Variants in SASH1 observed in about 807,000 individuals in gnomAD.
SASH1 encodes SAM and SH3 domain containing 1, also known as SAM and SH3 domain-containing protein 1.
A neutral mutation model predicts 125.2 loss-of-function variants in SASH1; 44 were observed. The ratio of observed to expected loss-of-function variants is 0.35; its 90% CI spans 0.28 to 0.45. The LOEUF (loss-of-function observed/expected upper bound fraction) is 0.45, where lower values mean the gene tolerates loss of function less well. Among genes scored for constraint, SASH1 ranks in the 20% least tolerant of loss-of-function variants. The pLI is 1.00. For missense variants in SASH1, 1,426 were observed against 1,614.5 expected (o/e 0.88, Z 2.00); for synonymous variants, 639 against 649.1 (o/e 0.98, Z 0.24).
chr6:148,234,949 G>A, the SASH1 span, among the ~76,000 whole-genome samples: 34 of 152,130 alleles, frequency 2.2e-4, no homozygotes, highest in Non-Finnish European at 7.4e-5. Flanking sequence ...AAATGTACCC[G>A]TAATGGGTCT....
intron 8 of SASH1, among the ~76,000 whole-genome samples, chr6:148,507,024 C>T (rs76616449): frequency 0.015 from 2,343 of 152,162 alleles, 66 homozygotes; most frequent in African/African-American, 0.054. Context: ...GCACCTGGTC[C>T]GTCAGATGGT....
chr6:148,537,302 A>G (rs111328636), intron 16 of SASH1, among the ~76,000 whole-genome samples: 277 of 152,306 alleles, frequency 1.8e-3, no homozygotes, highest in Non-Finnish European at 3.2e-3. Context: ...GCCAGCCATC[A>G]TATAGGGTTC....
At chr6:148,421,177 G>GAAAA (rs1785071826) in intron 2 of SASH1, among the ~76,000 whole-genome samples, 4 of 144,000 alleles carry the variant, frequency 2.8e-5, no homozygotes, top group African/African-American at 1.0e-4. Context: ...AAGAAAGAAA[G>GAAAA]AAAGAAAGAA....
intron 7 of SASH1, among the ~76,000 whole-genome samples, chr6:148,477,461 G>A (rs950884734): frequency 4.6e-5 from 7 of 152,118 alleles, no homozygotes; most frequent in African/African-American, 1.7e-4. Flanking sequence ...ATGTGAAAAG[G>A]TGCTCAACAT....
chr6:148,365,759 A>C (rs1186916510), intron 1 of SASH1, among the ~76,000 whole-genome samples: 2 of 151,628 alleles, frequency 1.3e-5, no homozygotes, highest in African/African-American at 4.8e-5. Flanking sequence ...TGGATCGTTG[A>C]GCTCAGGAGT....
chr6:148,332,761 C>A (rs528429938), intron 1 of SASH1, among the ~76,000 whole-genome samples: 2 of 152,028 alleles, frequency 1.3e-5, no homozygotes, highest in South Asian at 4.2e-4. Context: ...CTGAGGCGGG[C>A]GGATCACCGA....
chr6:148,549,578 A>G lies in SASH1; in HGVS notation c.*1020A>G, dbSNP rs1221920836. ...TAACGGATCATGTTTGCAAAAGGTC[A>G]CTGTGAGGCTGCATATTTCAGAAAG... is the stretch of plus-strand genomic sequence containing the variant. On this transcript the variant is annotated 3_prime_UTR_variant, in exon 20 of 20. Transcript: ENST00000367467. 2.5e-6 allele frequency: 1 copy of G among 398,866 alleles called. No homozygotes were observed. The highest frequency in any genetic ancestry group is 3.6e-5 in the East Asian group (1 of 28,096). The allele number at this position is 398,866 out of a possible 1,614,324, so 24.7% of individuals were successfully genotyped here.
At chr6:148,271,639 A>G (rs1312492988), upstream of SASH1, among the ~76,000 whole-genome samples, 1 of 152,210 alleles carries the variant, frequency 6.6e-6, no homozygotes, top group Non-Finnish European at 1.5e-5. Context: ...GTTAAACTAG[A>G]TTAAGCCCCA....
chr6:148,440,777 T>C (rs1325194951), intron 4 of SASH1: 1 of 214,342 alleles, frequency 4.7e-6, no homozygotes, highest in Non-Finnish European at 9.4e-6. Context: ...ATATAAAATA[T>C]ACTATATTCC....
chr6:148,232,060 A>G, the SASH1 span, among the ~76,000 whole-genome samples: 1 of 152,158 alleles, frequency 6.6e-6, no homozygotes, highest in Non-Finnish European at 1.5e-5. Context: ...CTTGAACCCA[A>G]TTCTGTTTGA....
chr6:148,411,789 C>T (rs1784641596), intron 2 of SASH1, among the ~76,000 whole-genome samples: 1 of 152,170 alleles, frequency 6.6e-6, no homozygotes, highest in Non-Finnish European at 1.5e-5. Context: ...AGTGATCTGC[C>T]TGCCTCGGCC....
At chr6:148,404,943 A>G (rs1396885448) in intron 2 of SASH1, among the ~76,000 whole-genome samples, 1 of 151,574 alleles carries the variant, frequency 6.6e-6, no homozygotes, top group African/African-American at 2.4e-5. Flanking sequence ...GGAGCTGCAG[A>G]ATAGCAGAGA....
the SASH1 span, among the ~76,000 whole-genome samples, chr6:148,249,840 C>A: frequency 6.6e-6 from 1 of 152,178 alleles, no homozygotes; most frequent in African/African-American, 2.4e-5. Flanking sequence ...AGGGCCTGTG[C>A]ACCGCGGATT....
chr6:148,465,164 G>A (rs909690762), intron 4 of SASH1, among the ~76,000 whole-genome samples: 1 of 152,156 alleles, frequency 6.6e-6, no homozygotes, highest in Admixed American at 6.5e-5. Flanking sequence ...GACTTTTAGG[G>A]AAAGTAAAAA....
chr6:148,425,088 G>C (rs1424096056), intron 2 of SASH1, among the ~76,000 whole-genome samples: 1 of 152,042 alleles, frequency 6.6e-6, no homozygotes, highest in African/African-American at 2.4e-5. Flanking sequence ...CATGGTCAAG[G>C]GTCCCTGAAG....
chr6:148,381,847 G>A (rs909608254), intron 1 of SASH1, among the ~76,000 whole-genome samples: 1 of 151,730 alleles, frequency 6.6e-6, no homozygotes. Context: ...GGTTGGCCAG[G>A]CTGGTCTCAA....
chr6:148,279,289 C>A (rs1157289300), intron 1 of SASH1, among the ~76,000 whole-genome samples: 2 of 152,142 alleles, frequency 1.3e-5, no homozygotes, highest in Non-Finnish European at 2.9e-5. Context: ...CCGCACCCAG[C>A]CAAGCAAATG....
Position 148,525,316 on chromosome 6 carries a change from A to G in SASH1, c.1235A>G (p.Asp412Gly). The change falls in exon 11 of 20, where the codon GAC becomes GGC. Residue 412 changes from aspartate to glycine, a missense_variant. Physicochemically the swap from Asp to Gly is moderately conservative, Grantham distance 94. Around this residue, in one of 3 missense-constraint regions of SASH1, gnomAD observed 567 missense variants for 575.6 expected, o/e 0.99. Transcript: ENST00000367467. ...AGAACCTGCAGTTTTGGAGGATTTGACTTGACGAATCGCTCTCTGCACGTT... is the reference window on the plus strand; with the variant it reads ...AGAACCTGCAGTTTTGGAGGATTTGGCTTGACGAATCGCTCTCTGCACGTT... ...HGRTCSFGGF[D>G]LTNRSLHVGS... is the part of the protein sequence containing the mutation. The G allele has an allele frequency of 6.2e-7, 1 of 1,614,042 alleles. No homozygotes were observed. Among genetic ancestry groups the G allele is most frequent in the South Asian group, 1.1e-5 (1 of 91,072 alleles).
At chr6:148,314,915 C>T (rs1474516232) in intron 1 of SASH1, among the ~76,000 whole-genome samples, 1 of 151,956 alleles carries the variant, frequency 6.6e-6, no homozygotes. Flanking sequence ...TGCTATCATG[C>T]CTGGCTAATT....
Sources: gnomAD v4.1 joint callset for allele counts (sites outside exome capture counted in the v4.1 genomes callset) on GRCh38, gnomAD v4.1.1 for gene constraint, gnomAD v4.1.1 regional missense constraint, MANE v1.5 for transcripts, NCBI Gene and HGNC (gene_info 2026-07-23, HGNC 2026-07-21) for gene names.